RTKN2: variants seen among roughly 807,000 people sequenced by gnomAD.
The protein encoded by RTKN2 is rhotekin-2.
Under a neutral mutation model 71.5 loss-of-function variants are expected in RTKN2, and 69 were observed. The observed-to-expected ratio is 0.96, with a 90% confidence interval of 0.79 to 1.18. The LOEUF (loss-of-function observed/expected upper bound fraction) is 1.18, where lower values mean the gene tolerates loss of function less well. Among genes scored for constraint, RTKN2 ranks in the 50% most tolerant of loss-of-function variants. RTKN2 has a pLI of 0.00. For missense variants in RTKN2, 724 were observed against 719.7 expected, an observed-to-expected ratio of 1.01 and a Z score of -0.07; for synonymous variants, 236 against 236.5, an observed-to-expected ratio of 1.00 and a Z score of 0.02.
chr10:62,189,522 A>G (rs1260864684), downstream of RTKN2, among the ~76,000 whole-genome samples: 1 of 152,128 alleles, frequency 6.6e-6, no homozygotes, highest in Non-Finnish European at 1.5e-5. Flanking sequence ...AGTGATTCCA[A>G]TAGCCTATCA....
intron 2 of RTKN2, chr10:62,259,203 TCCTTCG>T (rs1346534525): frequency 6.6e-6 from 3 of 453,580 alleles, no homozygotes; most frequent in South Asian, 4.7e-5. Flanking sequence ...ACTTTGCTTC[TCCTTCG>T]CCTTCTGCCA....
intron 7 of RTKN2, among the ~76,000 whole-genome samples, chr10:62,221,136 T>A (rs1252620034): frequency 2.0e-5 from 3 of 147,760 alleles, no homozygotes; most frequent in Non-Finnish European, 1.5e-5. Flanking sequence ...AAATAAGTAC[T>A]AAAAAAAAAA....
At chr10:62,256,193 T>C (rs1257459949) in intron 2 of RTKN2, among the ~76,000 whole-genome samples, 1 of 151,956 alleles carries the variant, frequency 6.6e-6, no homozygotes, top group African/African-American at 2.4e-5. Flanking sequence ...TAAATCTTTC[T>C]GTATTTTTTT....
At position 62,261,592 on chromosome 10, in the gene RTKN2, A is replaced by G. The variant is rs539932242; in HGVS notation, c.257+1033T>C. Among the ~76,000 whole-genome samples the G allele has an allele frequency of 2.1e-4, 32 of 152,314 alleles. No homozygotes were observed. In the South Asian group the frequency reaches 6.4e-3, roughly 31 times the overall value. ...CTTGAACCCGGGAGGCAGAGGTTGCAGTGAGCTGAGATCACACCACTGCAC... is the reference window on the plus strand; with the variant it reads ...CTTGAACCCGGGAGGCAGAGGTTGCGGTGAGCTGAGATCACACCACTGCAC... On this transcript the variant is annotated intron_variant, in intron 2 of 11. Transcript: ENST00000373789.
At chr10:62,252,875 A>G (rs1842607637) in intron 2 of RTKN2, among the ~76,000 whole-genome samples, 1 of 152,068 alleles carries the variant, frequency 6.6e-6, no homozygotes, top group Admixed American at 6.5e-5. Flanking sequence ...GTTTTTTTAT[A>G]TAAAATTATA....
intron 2 of RTKN2, among the ~76,000 whole-genome samples, chr10:62,256,427 T>G (rs1345886188): frequency 2.6e-5 from 4 of 152,158 alleles, no homozygotes; most frequent in Non-Finnish European, 5.9e-5. Flanking sequence ...TTGACTGAAT[T>G]CTGGTTTGGG....
chr10:62,200,305 A>G (rs187912563), intron 10 of RTKN2, among the ~76,000 whole-genome samples: 1 of 149,366 alleles, frequency 6.7e-6, no homozygotes, highest in Non-Finnish European at 1.5e-5. Flanking sequence ...AGAGGTTACA[A>G]TGAGCCGAGA....
chr10:62,260,011 A>G, intron 2 of RTKN2, among the ~76,000 whole-genome samples: 1 of 152,264 alleles, frequency 6.6e-6, no homozygotes, highest in East Asian at 1.9e-4. Context: ...AAAAGTCTAG[A>G]TTTAGTGTCT....
chr10:62,217,377 T>G (rs529109501), intron 8 of RTKN2, 128 bp from the exon 9 acceptor site: 2 of 654,662 alleles, frequency 3.1e-6, no homozygotes, highest in Admixed American at 3.6e-5. Context: ...AATTATCCAT[T>G]AATTTGATAT....
At chr10:62,260,958 A>G (rs1287332771) in intron 2 of RTKN2, among the ~76,000 whole-genome samples, 1 of 152,206 alleles carries the variant, frequency 6.6e-6, no homozygotes, top group Non-Finnish European at 1.5e-5. Context: ...TATATCCCCT[A>G]TCCCCAGGAA....
intron 8 of RTKN2, among the ~76,000 whole-genome samples, chr10:62,187,221 G>T (rs540301452): frequency 6.6e-6 from 1 of 151,762 alleles, no homozygotes; most frequent in East Asian, 1.9e-4. Context: ...CAGAGATGAC[G>T]GCAGCTTTGT....
At chr10:62,201,846 T>G (rs1186284748) in intron 10 of RTKN2, among the ~76,000 whole-genome samples, 1 of 152,044 alleles carries the variant, frequency 6.6e-6, no homozygotes, top group Non-Finnish European at 1.5e-5. Flanking sequence ...AGCAAATAAA[T>G]CTCTATGCAT....
At position 62,209,136 on chromosome 10, in the gene RTKN2, C is replaced by T. The variant is rs76855817; in HGVS notation, c.1021-4114G>A. On this transcript the variant is annotated intron_variant, in intron 9 of 11. Transcript: ENST00000373789. ...ATACAAAATTAGCTGGGCGTGGTGG[C>T]GCATGCCTGTAATCCCAGCTACCCG... Among the ~76,000 whole-genome samples the T allele has an allele frequency of 4.3e-3, 655 of 152,100 alleles. 6 individuals are homozygous for T. Among genetic ancestry groups the T allele is most frequent in the East Asian group, 0.037 (191 of 5,172 alleles).
intron 6 of RTKN2, among the ~76,000 whole-genome samples, chr10:62,228,975 A>G (rs2132947493): frequency 6.6e-6 from 1 of 152,314 alleles, no homozygotes; most frequent in East Asian, 1.9e-4. Flanking sequence ...AAAGTAGAAG[A>G]CTATAGAAAC....
intron 1 of RTKN2, among the ~76,000 whole-genome samples, chr10:62,263,789 G>A (rs1406974154): frequency 6.6e-6 from 1 of 152,080 alleles, no homozygotes; most frequent in African/African-American, 2.4e-5. Flanking sequence ...TACAATTCTG[G>A]ACATACCATT....
In RTKN2 at chr10:62,217,038, A is replaced by C. The variant is rs551135045; in HGVS notation, c.1020+80T>G. ...CCAGTACTTCTCTTTTATTTATAAG[A>C]CAACAACAATGTAAACTGCACAGAC... On this transcript the variant is annotated intron_variant, in intron 9 of 11. Transcript: ENST00000373789. 1,310 of 1,031,876 alleles carry C rather than the reference A, an allele frequency of 1.3e-3. 7 individuals carry two copies. The highest frequency in any genetic ancestry group is 0.013 in the African/African-American group (766 of 60,668). The allele number at this position is 1,031,876 out of a possible 1,614,324, so 63.9% of individuals were successfully genotyped here. A position where few individuals can be genotyped will look rare whatever the true frequency, so the allele number is the denominator to read the frequency against.
At chr10:62,223,421 C>A in intron 6 of RTKN2, 89 bp from the exon 7 acceptor site, 2 of 778,096 alleles carry the variant, frequency 2.6e-6, no homozygotes, top group Non-Finnish European at 4.4e-6. Context: ...AAATAATAAA[C>A]AACCTGATTT....
At chr10:62,245,944 T>G in intron 3 of RTKN2, 55 bp downstream of exon 3, 1 of 1,090,502 alleles carries the variant, frequency 9.2e-7, no homozygotes, top group South Asian at 1.4e-5. Flanking sequence ...AAATCCACCA[T>G]GTAGTTACGT....
chr10:62,222,634 C>T (rs1198001252), intron 7 of RTKN2, among the ~76,000 whole-genome samples: 1 of 152,118 alleles, frequency 6.6e-6, no homozygotes, highest in Non-Finnish European at 1.5e-5. Context: ...AATCATACTT[C>T]CAAACTGCCT....
Sources: gnomAD v4.1 joint callset for allele counts (sites outside exome capture counted in the v4.1 genomes callset) on GRCh38, gnomAD v4.1.1 for gene constraint, MANE v1.5 for transcripts, NCBI Gene and HGNC (gene_info 2026-07-23, HGNC 2026-07-21) for gene names.